The following LRRC7 variants were observed in gnomAD, a reference collection of about 807,000 sequenced individuals.
The protein encoded by LRRC7 is leucine-rich repeat-containing protein 7.
LRRC7 carries 23 observed loss-of-function variants against 175.7 expected under a neutral mutation model. The observed-to-expected ratio is 0.13, with a 90% CI of 0.09 to 0.19. The LOEUF (loss-of-function observed/expected upper bound fraction) is 0.19, where lower values mean the gene tolerates loss of function less well. Ranked by LOEUF, LRRC7 falls within the 10% of genes least tolerant of loss-of-function variation. The probability of loss-of-function intolerance (pLI) is 1.00; values close to 1 mark genes in which losing one functional copy is unlikely to be tolerated. For synonymous variants in LRRC7, 685 were observed against 680.9 expected (o/e 1.01, Z -0.09); for missense variants, 1,354 against 1,904.7 (o/e 0.71, Z 5.38).
intron 23 of LRRC7, among the ~76,000 whole-genome samples, chr1:70,070,808 G>A (rs960215641): frequency 2.0e-5 from 3 of 152,134 alleles, no homozygotes; most frequent in Admixed American, 1.3e-4. Flanking sequence ...TCTCTACTAG[G>A]CCTTCTCTGA....
intron 7 of LRRC7, chr1:69,919,935 T>C: frequency 3.2e-6 from 2 of 631,790 alleles, no homozygotes; most frequent in Non-Finnish European, 5.8e-6. Flanking sequence ...ACAGTATTTA[T>C]TGTTACCAAA....
intron 3 of LRRC7, among the ~76,000 whole-genome samples, chr1:69,775,759 A>C (rs1359894174): frequency 6.6e-6 from 1 of 152,226 alleles, no homozygotes; most frequent in African/African-American, 2.4e-5. Context: ...ACAGAATCAA[A>C]TGCGAAATTC....
chr1:69,689,980 A>T (rs1006068644), intron 2 of LRRC7, among the ~76,000 whole-genome samples: 6 of 152,188 alleles, frequency 3.9e-5, no homozygotes, highest in African/African-American at 1.4e-4. Flanking sequence ...AGAAAATTGA[A>T]ATCAAGTTAA....
intron 7 of LRRC7, among the ~76,000 whole-genome samples, chr1:69,881,092 T>C (rs1405218181): frequency 1.3e-5 from 2 of 152,216 alleles, no homozygotes; most frequent in Non-Finnish European, 2.9e-5. Context: ...TATCACATCA[T>C]ATTTTAATTA....
chr1:69,953,079 A>C (rs1298174832), intron 8 of LRRC7, among the ~76,000 whole-genome samples: 1 of 151,806 alleles, frequency 6.6e-6, no homozygotes, highest in South Asian at 2.1e-4. Context: ...GTAGTATTCA[A>C]GGTCTCCTAA....
intron 8 of LRRC7, among the ~76,000 whole-genome samples, chr1:69,966,341 C>G (rs899748523): frequency 6.6e-6 from 1 of 152,058 alleles, no homozygotes; most frequent in Non-Finnish European, 1.5e-5. Context: ...ATTACAGTAT[C>G]TACCATGTAA....
At position 69,797,045 on chromosome 1, in the gene LRRC7, C is replaced by A. The variant is rs190474969; in HGVS notation, c.421+4885C>A. Among the ~76,000 whole-genome samples, 58 of 152,204 alleles carry A rather than the reference C, an allele frequency of 3.8e-4. 2 individuals are homozygous for A. The East Asian group carries it at 8.9e-3, about 23-fold the overall frequency. On this transcript the variant is annotated intron_variant, in intron 4 of 26. Transcript: ENST00000651989. ...TTATTTCTCTGTTTGGAACTACTAG[C>A]ACAATACCCAGTATACATGGTAGGC...
At chr1:70,118,485 AGC>A (rs1411207667) in intron 26 of LRRC7, among the ~76,000 whole-genome samples, 2 of 152,184 alleles carry the variant, frequency 1.3e-5, no homozygotes, top group African/African-American at 4.8e-5. Flanking sequence ...CACTGTAAAG[AGC>A]AGAATTATCT....
At chr1:69,681,352 CATAGGA>C (rs1660467498) in intron 2 of LRRC7, among the ~76,000 whole-genome samples, 2 of 152,124 alleles carry the variant, frequency 1.3e-5, no homozygotes, top group Admixed American at 1.3e-4. Context: ...TGGTTCAGAC[CATAGGA>C]TCCTCCAGAG....
In LRRC7 at chr1:69,754,943, A is replaced by G. The variant is rs565735472; in HGVS notation, c.101-5248A>G. 3.9e-5 allele frequency among the ~76,000 whole-genome samples: 6 copies of G among 152,142 alleles called. No homozygotes were observed. In the South Asian group the frequency reaches 1.2e-3, roughly 32 times the overall value. On this transcript the variant is annotated intron_variant, in intron 2 of 26. Transcript: ENST00000651989. ...ATATTGTAAAGAAAAAAAGGGTACA[A>G]TTAGAAGGGTAACAGTCTAGGGGAC...
chr1:69,764,666 G>A (rs755417759), intron 3 of LRRC7, among the ~76,000 whole-genome samples: 5 of 151,578 alleles, frequency 3.3e-5, no homozygotes, highest in Non-Finnish European at 4.4e-5. Flanking sequence ...AGTAAAACTC[G>A]GGAAGTAACA....
At chr1:69,676,635 C>T (rs753404214) in intron 1 of LRRC7, among the ~76,000 whole-genome samples, 3 of 151,988 alleles carry the variant, frequency 2.0e-5, no homozygotes, top group African/African-American at 4.8e-5. Context: ...TCAGCATCGC[C>T]GTGTAACTAG....
chr1:69,568,654 C>G lies in LRRC7; in HGVS notation c.2+13C>G, dbSNP rs774491026. On this transcript the variant is annotated intron_variant, in intron 1 of 26. Coordinates refer to ENST00000651989, the MANE Select transcript of LRRC7 (RefSeq NM_001370785.2). Reference sequence around the variant, plus strand: ...TCCCGCCGGCGATGTGAGTAAGGCACGCTCGCTCCGTGGCGGAGGGTGCTG... The same window carrying G: ...TCCCGCCGGCGATGTGAGTAAGGCAGGCTCGCTCCGTGGCGGAGGGTGCTG... The G allele has an allele frequency of 8.2e-6, 11 of 1,340,914 alleles. No homozygotes were observed. The highest frequency in any genetic ancestry group is 1.2e-5 in the South Asian group (1 of 84,694). 83.1% of individuals were successfully genotyped at this position (1,340,914 alleles called of 1,614,324 possible).
intron 2 of LRRC7, among the ~76,000 whole-genome samples, chr1:69,688,035 T>C (rs1340760): frequency 0.22 from 32,914 of 152,118 alleles, 3,764 homozygotes; most frequent in South Asian, 0.35. Context: ...GTTCTTGCTT[T>C]TTAACTACCT....
intron 25 of LRRC7, among the ~76,000 whole-genome samples, chr1:70,100,320 T>C (rs904929880): frequency 2.6e-5 from 4 of 152,160 alleles, no homozygotes; most frequent in Non-Finnish European, 5.9e-5. Flanking sequence ...TTTTGGTTGC[T>C]TTTAACAGCT....
At chr1:69,856,464 A>G (rs899935843) in intron 7 of LRRC7, among the ~76,000 whole-genome samples, 1 of 152,184 alleles carries the variant, frequency 6.6e-6, no homozygotes, top group Admixed American at 6.6e-5. Flanking sequence ...ACAAACTACC[A>G]TCAGAGAATA....
intron 2 of LRRC7, among the ~76,000 whole-genome samples, chr1:69,680,211 G>T (rs536032699): frequency 1.3e-4 from 20 of 152,148 alleles, no homozygotes; most frequent in African/African-American, 4.6e-4. Context: ...AGCAGGGCCT[G>T]GTGACCTGTA....
intron 7 of LRRC7, among the ~76,000 whole-genome samples, chr1:69,844,809 G>T (rs886529735): frequency 6.6e-6 from 1 of 151,966 alleles, no homozygotes; most frequent in African/African-American, 2.4e-5. Context: ...CCATTTTCCA[G>T]TATAACAAAG....
chr1:70,099,998 G>C (rs1395867083), intron 25 of LRRC7, among the ~76,000 whole-genome samples: 3 of 152,018 alleles, frequency 2.0e-5, no homozygotes, highest in Non-Finnish European at 4.4e-5. Flanking sequence ...ACTTTTAAAA[G>C]AACATATGAC....
Sources: allele counts gnomAD v4.1 joint callset (sites outside exome capture counted in the v4.1 genomes callset), GRCh38; gene constraint gnomAD v4.1.1; transcripts MANE v1.5; gene names NCBI Gene and HGNC (gene_info 2026-07-23, HGNC 2026-07-21).